Variants in SNX8 observed in about 807,000 individuals in gnomAD.
The protein encoded by SNX8 is sorting nexin 8.
SNX8 carries 25 observed loss-of-function variants against 51.6 expected under a neutral mutation model. The observed-to-expected ratio is 0.48, with a 90% confidence interval of 0.35 to 0.68. The LOEUF is 0.68. SNX8 is among the 30% of genes least tolerant of loss of function. SNX8 has a pLI of 0.00. For synonymous variants in SNX8, 324 were observed against 277.0 expected, an observed-to-expected ratio of 1.17 and a Z score of -1.68; for missense variants, 695 against 624.0, an observed-to-expected ratio of 1.11 and a Z score of -1.21.
intron 1 of SNX8, among the ~76,000 whole-genome samples, chr7:2,346,753 A>C (rs1167451016): frequency 2.7e-5 from 4 of 149,260 alleles, no homozygotes; most frequent in African/African-American, 4.9e-5. Context: ...AAAAAAAAAA[A>C]AAAAAAACAG....
chr7:2,342,296 G>A (rs1362073957), intron 1 of SNX8, among the ~76,000 whole-genome samples: 1 of 152,050 alleles, frequency 6.6e-6, no homozygotes, highest in African/African-American at 2.4e-5. Flanking sequence ...CACGCAAGAT[G>A]GATAAATCTC....
At chr7:2,283,774 G>A (rs1795961105) in intron 1 of SNX8, among the ~76,000 whole-genome samples, 2 of 152,170 alleles carry the variant, frequency 1.3e-5, no homozygotes, top group African/African-American at 4.8e-5. Flanking sequence ...CCAACAGGAG[G>A]GCTGGGGTGG....
chr7:2,278,049 T>G (rs772996418), intron 2 of SNX8, 51 bp downstream of exon 2: 1 of 1,587,880 alleles, frequency 6.3e-7, no homozygotes, highest in Non-Finnish European at 8.6e-7. Context: ...TGTTGAGACG[T>G]GACCCTTTCT....
At chr7:2,346,768 A>C (rs1271303615) in intron 1 of SNX8, among the ~76,000 whole-genome samples, 1 of 150,026 alleles carries the variant, frequency 6.7e-6, no homozygotes, top group Non-Finnish European at 1.5e-5. Context: ...AAACAGAAAA[A>C]AATTAGCCAA....
At chr7:2,340,278 G>A (rs926488059) in intron 1 of SNX8, among the ~76,000 whole-genome samples, 31 of 148,662 alleles carry the variant, frequency 2.1e-4, no homozygotes, top group Non-Finnish European at 3.6e-4. Context: ...CTCCATGTTG[G>A]TCAGGCTGGT....
At chr7:2,332,743 AAAGG>A (rs57859551) in intron 1 of SNX8, among the ~76,000 whole-genome samples, 68,831 of 139,950 alleles carry the variant, frequency 0.49, 18,582 homozygotes, top group Non-Finnish European at 0.6. Context: ...GAGAGAGAGA[AAAGG>A]AAGGAAGGAA....
intron 1 of SNX8, chr7:2,310,077 G>A (rs1796631127): frequency 2.8e-6 from 1 of 355,990 alleles, no homozygotes; most frequent in Non-Finnish European, 5.6e-6. Flanking sequence ...GTCAATGTAG[G>A]GCCGCAGGAC....
At chr7:2,266,174 G>GT (rs1179353596) in intron 5 of SNX8, among the ~76,000 whole-genome samples, 2 of 152,018 alleles carry the variant, frequency 1.3e-5, no homozygotes, top group East Asian at 1.9e-4. Context: ...TTTTTTTCTG[G>GT]TTTTTTTGTT....
intron 6 of SNX8, 111 bp from the exon 7 acceptor site, chr7:2,263,473 C>CA (rs1795387301): frequency 1.8e-6 from 2 of 1,100,806 alleles, no homozygotes; most frequent in Non-Finnish European, 2.6e-6. Context: ...TGCGTGACCC[C>CA]GTCCTAGGAC....
intron 7 of SNX8, among the ~76,000 whole-genome samples, chr7:2,260,997 G>A (rs2115097103): frequency 6.6e-6 from 1 of 152,358 alleles, no homozygotes; most frequent in East Asian, 1.9e-4. Flanking sequence ...GCTCTGCAGA[G>A]CCCCAGGGCA....
intron 1 of SNX8, among the ~76,000 whole-genome samples, chr7:2,334,247 C>T (rs1778786304): frequency 6.6e-6 from 1 of 151,984 alleles, no homozygotes; most frequent in Non-Finnish European, 1.5e-5. Flanking sequence ...ACTAAAAATA[C>T]AAAAAATTAG....
Position 2,255,140 on chromosome 7 carries a change from G to A in SNX8, c.1314C>T (p.Pro438=). 1 of 1,574,220 alleles carries A rather than the reference G, an allele frequency of 6.4e-7. No homozygotes were observed. Among genetic ancestry groups the A allele is most frequent in the Middle Eastern group, 1.7e-4 (1 of 5,976 alleles). The change falls in exon 11 of 11, where the codon CCC becomes CCT. Residue 438 remains proline, a synonymous_variant. Transcript: ENST00000222990. ...GTCCCGCAAAGAGGCAGCTGAGCTT[G>A]GGCCTCAGGTCGTTCCACACCTTGC... ...EMSKVWNDLR[P]KLSCLFAGPH... is the part of the protein sequence containing the mutation.
chr7:2,264,252 C>A, intron 6 of SNX8, 46 bp downstream of exon 6: 2 of 1,569,452 alleles, frequency 1.3e-6, no homozygotes, highest in Non-Finnish European at 1.7e-6. Context: ...AGCATGGATT[C>A]CCGTCCCACC....
upstream of SNX8, among the ~76,000 whole-genome samples, chr7:2,319,090 G>C (rs2115222313): frequency 6.6e-6 from 1 of 152,122 alleles, no homozygotes; most frequent in South Asian, 2.1e-4. Flanking sequence ...TGTAACCCCA[G>C]CACTTTGGGA....
intron 1 of SNX8, among the ~76,000 whole-genome samples, chr7:2,278,722 C>CCGGACTCACTGACACTACGGAGTT (rs1795844304): frequency 1.2e-5 from 1 of 80,492 alleles, no homozygotes; most frequent in East Asian, 3.8e-4. Flanking sequence ...ACTACGGAGT[C>CCGGACTCACTGACACTACGGAGTT]GAAGCCGGAC....
At chr7:2,273,741 A>C (rs533348595) in intron 3 of SNX8, among the ~76,000 whole-genome samples, 4 of 148,560 alleles carry the variant, frequency 2.7e-5, no homozygotes, top group African/African-American at 9.9e-5. Context: ...GTCTCTACTA[A>C]AAATACAAAA....
chr7:2,258,049 C>T (rs1231176157), intron 7 of SNX8, among the ~76,000 whole-genome samples: 6 of 143,622 alleles, frequency 4.2e-5, no homozygotes, highest in South Asian at 2.3e-4. Flanking sequence ...TTCGCTCTGT[C>T]GCCCAGGCTG....
rs150488326 is a variant in SNX8, at chr7:2,274,625, C to A, written c.418+487G>T. On this transcript the variant is annotated intron_variant, in intron 3 of 10. Coordinates refer to ENST00000222990, the MANE Select transcript of SNX8 (RefSeq NM_013321.4). ...GCAGCCGTGTGCTGCTTTTTCTCTC[C>A]TGCAAGATGCAGCTGACATTTCCTA... 2.6e-5 allele frequency among the ~76,000 whole-genome samples: 4 copies of A among 152,348 alleles called. No homozygotes were observed. In the East Asian group the frequency reaches 7.7e-4, roughly 29 times the overall value.
In SNX8 at chr7:2,273,127, G is replaced by A. The variant is rs765209112; in HGVS notation, c.419-1156C>T. On this transcript the variant is annotated intron_variant, in intron 3 of 10. Coordinates refer to ENST00000222990, the MANE Select transcript of SNX8 (RefSeq NM_013321.4). ...GGGATTACAGGCATGAGCCACCAGC[G>A]CCCAGCCTTTAAATACTATTTTTAA... Among the ~76,000 whole-genome samples the A allele has an allele frequency of 4.0e-5, 6 of 151,754 alleles. No homozygotes were observed. The East Asian group carries it at 5.9e-4, about 15-fold the overall frequency.
Sources: gnomAD v4.1 joint callset for allele counts (sites outside exome capture counted in the v4.1 genomes callset) on GRCh38, gnomAD v4.1.1 for gene constraint, MANE v1.5 for transcripts, NCBI Gene and HGNC (gene_info 2026-07-23, HGNC 2026-07-21) for gene names.